ANKHD1: variants seen among roughly 807,000 people sequenced by gnomAD.
ANKHD1 encodes the protein ankyrin repeat and KH domain-containing protein 1.
Under a neutral mutation model 230.5 loss-of-function variants are expected in ANKHD1, and 31 were observed. The ratio of observed to expected loss-of-function variants is 0.13; its 90% CI spans 0.10 to 0.18. The LOEUF (loss-of-function observed/expected upper bound fraction) is 0.18. Ranked by LOEUF, ANKHD1 falls within the 10% of genes least tolerant of loss-of-function variation. ANKHD1 has a pLI of 1.00. For missense variants in ANKHD1, 2,256 were observed against 3,071.3 expected (o/e 0.73, Z 6.27); for synonymous variants, 1,074 against 1,117.6 (o/e 0.96, Z 0.78).
In ANKHD1 at chr5:140,438,497, T is replaced by C. The variant is rs1368800384; in HGVS notation, c.497T>C (p.Phe166Ser). 1.9e-6 allele frequency: 3 copies of C among 1,612,650 alleles called. No individual in the cohort carries two copies. Among genetic ancestry groups the C allele is most frequent in the Non-Finnish European group, 2.5e-6 (3 of 1,179,042 alleles). The change falls in exon 3 of 34, where the codon TTT becomes TCT. Residue 166 changes from phenylalanine to serine, a missense_variant. Physicochemically the swap from Phe to Ser is radical, Grantham distance 155. This residue lies in a region of ANKHD1 where 206 missense variants were observed against 304.5 expected (regional missense o/e 0.68). Transcript: ENST00000360839. The stretch of plus-strand genomic sequence containing the variant: ...TTGTCAACTGCTGATGGTAAAGCTT[T>C]TGCAGATCCTGAGGTACTCCGGAGA... ...GKLSTADGKA[F>S]ADPEVLRRLT...
At position 140,496,496 on chromosome 5, in the gene ANKHD1, TTCAAACA is replaced by T; in HGVS notation, c.2246-22_2246-16del. The T allele has an allele frequency of 7.5e-7, 1 of 1,339,458 alleles. No individual in the cohort carries two copies. The highest frequency in any genetic ancestry group is 2.5e-5 in the East Asian group (1 of 39,630). 83.0% of individuals were successfully genotyped at this position (1,339,458 alleles called of 1,614,324 possible). On this transcript the variant is annotated splice_polypyrimidine_tract_variant and intron_variant, in intron 14 of 33. Coordinates refer to ENST00000360839, the MANE Select transcript of ANKHD1 (RefSeq NM_017747.3). Reference sequence around the variant, plus strand: ...TTTTTTTTTTTTAGCATGGCACTCTTTCAAACATTTTTCATGTGCTTAGGTACATCCA... The same window carrying T: ...TTTTTTTTTTTTAGCATGGCACTCTTTTTTTCATGTGCTTAGGTACATCCA...
intron 11 of ANKHD1, chr5:140,484,886 G>A: frequency 2.0e-6 from 1 of 491,906 alleles, no homozygotes; most frequent in Non-Finnish European, 3.0e-6. Flanking sequence ...GGTAGTGACT[G>A]AAAGGGAGCA....
chr5:140,407,654 T>TG (rs1379419638), intron 1 of ANKHD1, among the ~76,000 whole-genome samples: 15 of 152,136 alleles, frequency 9.9e-5, no homozygotes, highest in Admixed American at 2.0e-4. Context: ...CCTCCAAAAA[T>TG]GCAGAGATTA....
intron 22 of ANKHD1, among the ~76,000 whole-genome samples, chr5:140,511,456 T>C (rs1247244347): frequency 6.6e-6 from 1 of 152,220 alleles, no homozygotes; most frequent in African/African-American, 2.4e-5. Flanking sequence ...CAATTTTACA[T>C]GTCAGTTCTC....
At chr5:140,442,131 C>G (rs1773903728) in intron 5 of ANKHD1, among the ~76,000 whole-genome samples, 3 of 150,978 alleles carry the variant, frequency 2.0e-5, no homozygotes, top group Admixed American at 6.6e-5. Flanking sequence ...CCTCCACCTC[C>G]CAGGTTCAAG....
intron 1 of ANKHD1, among the ~76,000 whole-genome samples, chr5:140,418,079 C>T (rs1055641358): frequency 2.6e-5 from 4 of 151,244 alleles, no homozygotes; most frequent in Admixed American, 1.3e-4. Context: ...CGACCTCAGG[C>T]GATCTGCCCT....
intron 24 of ANKHD1, 145 bp downstream of exon 24, chr5:140,513,624 C>G: frequency 1.5e-6 from 1 of 689,440 alleles, no homozygotes; most frequent in Non-Finnish European, 2.3e-6. Context: ...GCCTTGCTAA[C>G]AAGGTGAAAC....
At position 140,527,130 on chromosome 5, in the gene ANKHD1, G is replaced by C; in HGVS notation, c.5087+56G>C. The C allele has an allele frequency of 6.5e-7, 1 of 1,532,208 alleles. No homozygotes were observed. Among genetic ancestry groups the C allele is most frequent in the Non-Finnish European group, 8.8e-7 (1 of 1,138,342 alleles). The allele number at this position is 1,532,208 out of a possible 1,614,324, so 94.9% of individuals were successfully genotyped here. On this transcript the variant is annotated intron_variant, in intron 27 of 33. Transcript: ENST00000360839. The surrounding 1 kb of genome is among the most constrained non-coding windows in gnomAD (Gnocchi z 4.5). Reference sequence around the variant, plus strand: ...TTCATATATTTTCCCTTTCTCATGTGAGATGGCTACCTAGTTAATTAATGA... The same window carrying C: ...TTCATATATTTTCCCTTTCTCATGTCAGATGGCTACCTAGTTAATTAATGA...
At chr5:140,404,967 CTGTGTGTGTGTGTGTGTGTGTGTG>C (rs35692572) in intron 1 of ANKHD1, among the ~76,000 whole-genome samples, 3 of 134,938 alleles carry the variant, frequency 2.2e-5, no homozygotes, top group Admixed American at 7.4e-5. Context: ...CTGTGCATGT[CTGTGTGTGTGTGTGTGTGTGTGTG>C]TGTGTGTGTG....
At chr5:140,483,452 CT>C (rs369245406) in intron 11 of ANKHD1, among the ~76,000 whole-genome samples, 140 of 110,598 alleles carry the variant, frequency 1.3e-3, no homozygotes, top group Middle Eastern at 6.7e-3. Context: ...AAGATTTTAT[CT>C]TTTTTTTTTT....
At chr5:140,402,949 C>T (rs1314857917) in intron 1 of ANKHD1, among the ~76,000 whole-genome samples, 1 of 148,208 alleles carries the variant, frequency 6.7e-6, no homozygotes, top group Non-Finnish European at 1.5e-5. Context: ...GTGGGGCAAC[C>T]TGTGGAAACC....
At chr5:140,433,983 TTGTC>T (rs1484370674) in intron 1 of ANKHD1, among the ~76,000 whole-genome samples, 2 of 152,220 alleles carry the variant, frequency 1.3e-5, no homozygotes, top group Non-Finnish European at 2.9e-5. Context: ...TCTGGCATCT[TTGTC>T]TGTAGTTACA....
chr5:140,402,264 A>G lies in ANKHD1; in HGVS notation c.297A>G (p.Glu99=). 1 of 1,493,402 alleles carries G rather than the reference A, an allele frequency of 6.7e-7. No individual in the cohort carries two copies. The highest frequency in any genetic ancestry group is 8.9e-7 in the Non-Finnish European group (1 of 1,128,010). The allele number at this position is 1,493,402 out of a possible 1,614,324, so 92.5% of individuals were successfully genotyped here. A position where few individuals can be genotyped will look rare whatever the true frequency, so the allele number is the denominator to read the frequency against. The change falls in exon 1 of 34, where the codon GAA becomes GAG. Residue 99 remains glutamate (E), a synonymous_variant. Transcript: ENST00000360839. ...GTGCCTCTGGCAGTGACGAGGACGAAGTGTCCGAGGTAAGGCTCCGGGACC... is the reference window on the plus strand; with the variant it reads ...GTGCCTCTGGCAGTGACGAGGACGAGGTGTCCGAGGTAAGGCTCCGGGACC... ...GGGASGSDED[E]VSEVESFILD...
chr5:140,539,259 C>T (rs1161437208), intron 33 of ANKHD1, 100 bp from the exon 34 acceptor site: 5 of 1,584,680 alleles, frequency 3.2e-6, no homozygotes, highest in Non-Finnish European at 4.3e-6. Flanking sequence ...TGTATTCTTC[C>T]TAGGCAGAAA....
In ANKHD1 at chr5:140,519,242, A is replaced by G. The variant is rs192807273; in HGVS notation, c.4318-4824A>G. On this transcript the variant is annotated intron_variant, in intron 24 of 33. Coordinates refer to ENST00000360839, the MANE Select transcript of ANKHD1 (RefSeq NM_017747.3). The stretch of plus-strand genomic sequence containing the variant: ...ACAAGGGATGTAAAGGACCTCTTCA[A>G]GGAGAACTACAAACCACTGCTCAGT... Among the ~76,000 whole-genome samples the G allele has an allele frequency of 1.7e-3, 265 of 152,346 alleles. 1 individual carries two copies. Among genetic ancestry groups the G allele is most frequent in the African/African-American group, 6.1e-3 (253 of 41,586 alleles).
chr5:140,427,369 G>A (rs1772552189), intron 1 of ANKHD1, among the ~76,000 whole-genome samples: 1 of 120,624 alleles, frequency 8.3e-6, no homozygotes, highest in African/African-American at 3.2e-5. Flanking sequence ...GCCAGGCGGG[G>A]GGCTGACCCC....
At chr5:140,478,362 TC>T (rs1295546965) in intron 10 of ANKHD1, among the ~76,000 whole-genome samples, 7 of 150,132 alleles carry the variant, frequency 4.7e-5, no homozygotes, top group Non-Finnish European at 8.9e-5. Context: ...TCTTTCTTTT[TC>T]TTTTTTTTTT....
chr5:140,509,762 A>G lies in ANKHD1; in HGVS notation c.3891A>G (p.Thr1297=). Residue 1297 remains threonine, a synonymous_variant, in exon 21 of 34, where the codon ACA becomes ACG. Transcript: ENST00000360839. ...PVPSSRDTAL[T]IAADKGHYKF... is the part of the protein sequence containing the mutation. ...CTTCCTCAAGAGATACTGCTTTAAC[A>G]ATAGCAGCAGACAAAGGTCACTACA... 1 of 1,612,710 alleles carries G rather than the reference A, an allele frequency of 6.2e-7. No homozygotes were observed. The highest frequency in any genetic ancestry group is 1.3e-5 in the African/African-American group (1 of 74,982).
Position 140,526,223 on chromosome 5 carries a change from G to A in ANKHD1, c.4720G>A (p.Asp1574Asn), listed in dbSNP as rs1010868916. 5 of 1,614,130 alleles carry A rather than the reference G, an allele frequency of 3.1e-6. No homozygotes were observed. Among genetic ancestry groups the A allele is most frequent in the Non-Finnish European group, 4.2e-6 (5 of 1,180,022 alleles). The change falls in exon 26 of 34, where the codon GAT becomes AAT. Residue 1574 changes from aspartate to asparagine, a missense_variant. Physicochemically the swap from Asp to Asn is conservative, Grantham distance 23. Coordinates refer to ENST00000360839, the MANE Select transcript of ANKHD1 (RefSeq NM_017747.3). ...TATGTCTTTAGCCCAACAAAAGGCAGATAAAAATAAAATAAATGGAGAACC... is the reference window on the plus strand; with the variant it reads ...TATGTCTTTAGCCCAACAAAAGGCAAATAAAAATAAAATAAATGGAGAACC... ...QHMSLAQQKADKNKINGEPRG... is the reference protein window; with the variant it reads ...QHMSLAQQKANKNKINGEPRG...
Sources: allele counts gnomAD v4.1 joint callset (sites outside exome capture counted in the v4.1 genomes callset), GRCh38; gene constraint gnomAD v4.1.1; regional missense constraint gnomAD v4.1.1; non-coding constraint Gnocchi (gnomAD v3.1); transcripts MANE v1.5; gene names NCBI Gene and HGNC (gene_info 2026-07-23, HGNC 2026-07-21).